The following ZNF785 variants were observed in gnomAD, a reference collection of about 807,000 sequenced individuals.
ZNF785 encodes zinc finger protein 785.
Under a neutral mutation model 11.3 loss-of-function variants are expected in ZNF785, and 15 were observed. The observed-to-expected ratio is 1.32, with a 90% CI of 0.89 to 2.04. The LOEUF (loss-of-function observed/expected upper bound fraction) is 2.04, where lower values mean the gene tolerates loss of function less well. ZNF785 is among the 30% of genes most tolerant of loss of function. The pLI is 0.00. For synonymous variants in ZNF785, 221 were observed against 231.0 expected, an observed-to-expected ratio of 0.96 and a Z score of 0.39; for missense variants, 572 against 560.9, an observed-to-expected ratio of 1.02 and a Z score of -0.20.
Position 30,585,382 on chromosome 16 carries a change from T to G in ZNF785, c.205+25A>C. The G allele has an allele frequency of 6.4e-7, 1 of 1,574,598 alleles. No homozygotes were observed. Among genetic ancestry groups the G allele is most frequent in the South Asian group, 1.1e-5 (1 of 87,142 alleles). Reference sequence around the variant, plus strand: ...CCGCTTCCCACCGACGGACTGGGGGTCCCGGCCGGAGGGCCCGGCCTCACC... The same window carrying G: ...CCGCTTCCCACCGACGGACTGGGGGGCCCGGCCGGAGGGCCCGGCCTCACC... On this transcript the variant is annotated intron_variant, in intron 1 of 2. Transcript: ENST00000395216. The surrounding 1 kb of genome is among the most constrained non-coding windows in gnomAD (Gnocchi z 4.0).
chr16:30,580,377 C>T (rs1191072768), downstream of ZNF785, among the ~76,000 whole-genome samples: 8 of 115,228 alleles, frequency 6.9e-5, no homozygotes, highest in East Asian at 5.2e-4. Context: ...TTTTTTGAGA[C>T]GGAGTCTCGC....
chr16:30,582,645 C>T lies in ZNF785; in HGVS notation c.1133G>A (p.Arg378His). The T allele has an allele frequency of 6.2e-7, 1 of 1,614,192 alleles. No homozygotes were observed. The highest frequency in any genetic ancestry group is 8.5e-7 in the Non-Finnish European group (1 of 1,180,042). The change falls in exon 3 of 3, where the codon CGT becomes CAT. Residue 378 changes from arginine to histidine, a missense_variant. By Grantham distance (29) the Arg-to-His change is conservative. Coordinates refer to ENST00000395216, the MANE Select transcript of ZNF785 (RefSeq NM_152458.7). ...TCCCAAAACAGGGATGGGCTCTGAA[C>T]GCCCCACCACGGCCTGCTGCCACGC... ...RRAWQQAVVG[R>H]SEPIPVLGGK...
chr16:30,583,226 AG>A lies in ZNF785; in HGVS notation c.551del (p.Pro184LeufsTer246), dbSNP rs751149033. On this transcript the variant is annotated frameshift_variant, in exon 3 of 3. Coordinates refer to ENST00000395216, the MANE Select transcript of ZNF785 (RefSeq NM_152458.7). LOFTEE classifies it low-confidence loss of function (END_TRUNC). ...CPDCGRNFSY[P>X]SLLASHQRVH... is the part of the protein sequence containing the mutation. ...CCCGCTGGTGGCTGGCCAGGAGGGA[AG>A]GGTAGCTGAAGTTGCGGCCACAGTC... 1.4e-4 allele frequency: 229 copies of A among 1,613,804 alleles called. No homozygotes were observed. Among genetic ancestry groups the A allele is most frequent in the Non-Finnish European group, 1.8e-4 (209 of 1,179,864 alleles).
Position 30,582,824 on chromosome 16 carries a change from G to T in ZNF785, c.954C>A (p.Gly318=). 2 of 1,608,020 alleles carry T rather than the reference G, an allele frequency of 1.2e-6. No homozygotes were observed. Among genetic ancestry groups the T allele is most frequent in the Non-Finnish European group, 1.7e-6 (2 of 1,176,246 alleles). The stretch of plus-strand genomic sequence containing the variant: ...GGAGGGAAGAATAGGTGAAGCGGCG[G>T]CCGCAGTCAGGACAGGGGTAGGGCT... ...GEKPYPCPDC[G]RRFTYSSLLL... The change falls in exon 3 of 3, where the codon GGC becomes GGA. Residue 318 remains glycine (G), a synonymous_variant. Coordinates refer to ENST00000395216, the MANE Select transcript of ZNF785 (RefSeq NM_152458.7).
rs1380502660 is a variant in ZNF785, at chr16:30,582,905, G to A, written c.873C>T (p.Leu291=). The A allele has an allele frequency of 1.9e-5, 31 of 1,612,812 alleles. 1 individual carries two copies. In the East Asian group the frequency reaches 2.2e-4, roughly 12 times the overall value. Residue 291 remains leucine, a synonymous_variant, in exon 3 of 3, where the codon CTC becomes CTT. Transcript: ENST00000395216. ...CCAGCAGGGAGGTGTAGGCGAAACG[G>A]AGGCTGCAATCGGGGCAGCTGTAGG... The part of the protein sequence containing the change: ...EKPYSCPDCS[L]RFAYTSLLAI...
chr16:30,582,884 C>A lies in ZNF785; in HGVS notation c.894G>T (p.Leu298=), dbSNP rs891582644. 3.1e-6 allele frequency: 5 copies of A among 1,605,300 alleles called. No homozygotes were observed. The African/African-American group carries it at 7.0e-5, about 22-fold the overall frequency. ...DCSLRFAYTS[L]LAIHRRIHTG... is the part of the protein sequence containing the mutation. ...TGTGTATGCGCCTGTGGATGGCCAG[C>A]AGGGAGGTGTAGGCGAAACGGAGGC... Residue 298 remains leucine (L), a synonymous_variant, in exon 3 of 3, where the codon CTG becomes CTT. Transcript: ENST00000395216.
In ZNF785 at chr16:30,583,084, C is replaced by T. The variant is rs921893337; in HGVS notation, c.694G>A (p.Asp232Asn). ...HTGEKPYPCP[D>N]CGRRFRQRGS... ...CTCTGGCGGAAGCGGCGCCCGCAGT[C>T]GGGGCAGGGGTAGGGCTTCTCGCCG... Residue 232 changes from aspartate (D) to asparagine (N), a missense_variant, in exon 3 of 3, where the codon GAC (aspartate) becomes AAC (asparagine). Transcript: ENST00000395216. 1.2e-6 allele frequency: 2 copies of T among 1,614,062 alleles called. No homozygotes were observed. Among genetic ancestry groups the T allele is most frequent in the African/African-American group, 1.3e-5 (1 of 75,048 alleles).
rs1427327786 is a variant in ZNF785 at position 30,583,337 on chromosome 16, G to C, written c.441C>G (p.Cys147Trp). Residue 147 changes from cysteine (C) to tryptophan (W), a missense_variant, in exon 3 of 3, where the codon TGC (cysteine) becomes TGG (tryptophan). By Grantham distance (215) the Cys-to-Trp change is radical. Transcript: ENST00000395216. ...AVKEWWPSVA[C>W]PEFCNPRQSP... ...TCTGCCTAGGGTTGCAGAACTCTGG[G>C]CAGGCGACGCTGGGCCACCACTCCT... 1 of 1,613,858 alleles carries C rather than the reference G, an allele frequency of 6.2e-7. No individual in the cohort carries two copies. The highest frequency in any genetic ancestry group is 8.5e-7 in the Non-Finnish European group (1 of 1,179,836).
rs1161611232 is a variant in ZNF785, at chr16:30,583,263, T to TGG, written c.513_514dup (p.His172ProfsTer259). The TGG allele has an allele frequency of 1.7e-5, 28 of 1,613,290 alleles. No homozygotes were observed. The highest frequency in any genetic ancestry group is 2.3e-5 in the Non-Finnish European group (27 of 1,179,644). On this transcript the variant is annotated frameshift_variant, in exon 3 of 3. Transcript: ENST00000395216. LOFTEE classifies it low-confidence loss of function (END_TRUNC). ...GTTGCGGCCACAGTCTGGGCAAGAG[T>TGG]GGGGCAGTCTTCGGGTCAGAGTGTC...
At chr16:30,580,186 C>CG (rs2051788277), downstream of ZNF785, among the ~76,000 whole-genome samples, 22 of 92,538 alleles carry the variant, frequency 2.4e-4, no homozygotes, top group South Asian at 4.5e-4. Context: ...CACACCAGGC[C>CG]TTTTTTTTTT....
rs1255744156 is a variant in ZNF785 at position 30,580,726 on chromosome 16, T to G, written c.*1834A>C. On this transcript the variant is annotated 3_prime_UTR_variant, in exon 3 of 3. Transcript: ENST00000395216. ...CATATTGGCCAGGCTGGTCTTGAAC[T>G]CTTGACCTTAAGTGATCCACCCTCC... The G allele has an allele frequency of 1.4e-5, 2 of 145,212 alleles. No individual in the cohort carries two copies. Among genetic ancestry groups the G allele is most frequent in the Non-Finnish European group, 3.0e-5 (2 of 66,426 alleles). 9.0% of individuals were successfully genotyped at this position (145,212 alleles called of 1,614,324 possible).
Position 30,582,510 on chromosome 16 carries a change from C to A in ZNF785, c.*50G>T, listed in dbSNP as rs775514942. On this transcript the variant is annotated 3_prime_UTR_variant, in exon 3 of 3. Transcript: ENST00000395216. ...TTTCCTTATCCCCCAAATACACAAA[C>A]CTTGCCTCTTCCTCTCCAGGGAAAC... 28 of 1,603,016 alleles carry A rather than the reference C, an allele frequency of 1.7e-5. No individual in the cohort carries two copies. In the East Asian group the frequency reaches 2.9e-4, roughly 17 times the overall value.
At chr16:30,578,913 C>T (rs1203805016), downstream of ZNF785, 3 of 150,470 alleles carry the variant, frequency 2.0e-5, no homozygotes, top group African/African-American at 7.3e-5. Flanking sequence ...AACTCCTGGG[C>T]TCAAGCTATC....
downstream of ZNF785, chr16:30,579,413 A>G: frequency 5.9e-6 from 1 of 169,526 alleles, no homozygotes; most frequent in South Asian, 1.4e-4. Context: ...TTTGAGACAG[A>G]GTCCTGCTTT....
intron 2 of ZNF785, 152 bp from the exon 3 acceptor site, chr16:30,583,595 T>A: frequency 3.1e-6 from 3 of 972,026 alleles, no homozygotes; most frequent in Non-Finnish European, 4.4e-6. Context: ...GAGCACGGCT[T>A]AATGATAGGG....
chr16:30,583,187 C>T lies in ZNF785; in HGVS notation c.591G>A (p.Glu197=). ...GACACTGGCCGCAGGAGAAGGGCCG[C>T]TCCCCGGAGTGGACCCGCTGGTGGC... ...LASHQRVHSG[E]RPFSCGQCQA... is the part of the protein sequence containing the mutation. The change falls in exon 3 of 3, where the codon GAG becomes GAA. Residue 197 remains glutamate (E), a synonymous_variant. Coordinates refer to ENST00000395216, the MANE Select transcript of ZNF785 (RefSeq NM_152458.7). The T allele has an allele frequency of 6.2e-7, 1 of 1,614,086 alleles. No homozygotes were observed. Among genetic ancestry groups the T allele is most frequent in the South Asian group, 1.1e-5 (1 of 91,080 alleles).
chr16:30,582,942 G>A lies in ZNF785; in HGVS notation c.836C>T (p.Thr279Met), dbSNP rs745944410. Reference sequence around the variant, plus strand: ...GGGGCAGCTGTAGGGCTTCTCGCCCGTGTGCTTGCGCTGGTGGATGGCCAG... The same window carrying A: ...GGGGCAGCTGTAGGGCTTCTCGCCCATGTGCTTGCGCTGGTGGATGGCCAG... ...YLLAIHQRKHTGEKPYSCPDC... is the reference protein window; with the variant it reads ...YLLAIHQRKHMGEKPYSCPDC... The change falls in exon 3 of 3, where the codon ACG (threonine) becomes ATG (methionine). Residue 279 changes from threonine to methionine, a missense_variant. Thr to Met is a moderately conservative substitution (Grantham distance 81). Transcript: ENST00000395216. The A allele has an allele frequency of 2.2e-5, 35 of 1,614,036 alleles. No homozygotes were observed. In the East Asian group the frequency reaches 6.7e-4, roughly 31 times the overall value.
downstream of ZNF785, chr16:30,578,412 C>T (rs952914650): frequency 2.6e-5 from 4 of 152,232 alleles, no homozygotes; most frequent in Non-Finnish European, 5.9e-5. Flanking sequence ...TTCTTCAAGA[C>T]TCTTGATCAG....
intron 2 of ZNF785, among the ~76,000 whole-genome samples, chr16:30,584,240 C>T (rs2051859814): frequency 6.6e-6 from 1 of 152,222 alleles, no homozygotes; most frequent in Non-Finnish European, 1.5e-5. Flanking sequence ...CCTCATGGCA[C>T]TTACCATCCT....
Sources: allele counts gnomAD v4.1 joint callset (sites outside exome capture counted in the v4.1 genomes callset), GRCh38; gene constraint gnomAD v4.1.1; non-coding constraint Gnocchi (gnomAD v3.1); transcripts MANE v1.5; gene names NCBI Gene and HGNC (gene_info 2026-07-23, HGNC 2026-07-21).